The following ANKS1B variants were observed in gnomAD, a reference collection of about 807,000 sequenced individuals.
ANKS1B encodes the protein ankyrin repeat and sterile alpha motif domain-containing protein 1B.
Under a neutral mutation model 148.3 loss-of-function variants are expected in ANKS1B, and 36 were observed. The ratio of observed to expected loss-of-function variants is 0.24; its 90% CI spans 0.19 to 0.32. ANKS1B has a LOEUF of 0.32. Ranked by LOEUF, ANKS1B falls within the 10% of genes least tolerant of loss-of-function variation. The pLI, the probability that ANKS1B is intolerant of heterozygous loss-of-function variation, is 1.00. For missense variants in ANKS1B, 1,157 were observed against 1,542.6 expected, an observed-to-expected ratio of 0.75 and a Z score of 4.19; for synonymous variants, 542 against 560.8, an observed-to-expected ratio of 0.97 and a Z score of 0.47.
intron 17 of ANKS1B, among the ~76,000 whole-genome samples, chr12:98,928,831 C>T (rs1190786802): frequency 6.6e-6 from 1 of 151,902 alleles, no homozygotes; most frequent in Non-Finnish European, 1.5e-5. Context: ...ACCCATACGG[C>T]TAAAATAATA....
chr12:98,973,088 T>A (rs192191678), intron 17 of ANKS1B, among the ~76,000 whole-genome samples: 10 of 152,184 alleles, frequency 6.6e-5, no homozygotes, highest in Non-Finnish European at 1.5e-4. Context: ...CAAAAGTGAG[T>A]GGGAAATTAA....
At chr12:99,715,444 T>C (rs1331175038) in intron 8 of ANKS1B, among the ~76,000 whole-genome samples, 1 of 152,138 alleles carries the variant, frequency 6.6e-6, no homozygotes, top group Non-Finnish European at 1.5e-5. Flanking sequence ...AATTTTCCTT[T>C]ACCTACCCAA....
chr12:99,459,888 C>A (rs1343046203), intron 10 of ANKS1B, among the ~76,000 whole-genome samples: 4 of 152,054 alleles, frequency 2.6e-5, no homozygotes, highest in African/African-American at 9.7e-5. Flanking sequence ...TCATTCTTCA[C>A]AGAACTAGAA....
At chr12:99,413,423 C>G (rs538485659) in intron 11 of ANKS1B, among the ~76,000 whole-genome samples, 1 of 152,244 alleles carries the variant, frequency 6.6e-6, no homozygotes, top group Admixed American at 6.5e-5. Context: ...AAGCCAAGAG[C>G]CTAATAACTC....
intron 14 of ANKS1B, among the ~76,000 whole-genome samples, chr12:99,195,296 T>C (rs2081259082): frequency 6.6e-6 from 1 of 152,144 alleles, no homozygotes; most frequent in Admixed American, 6.5e-5. Context: ...ATAAACATGT[T>C]AAGTGCCTAG....
At chr12:99,340,348 T>C (rs1273727632) in intron 12 of ANKS1B, among the ~76,000 whole-genome samples, 5 of 152,130 alleles carry the variant, frequency 3.3e-5, no homozygotes, top group South Asian at 2.1e-4. Flanking sequence ...ACTCAAGTTC[T>C]CACTCTGCCA....
At chr12:99,725,323 A>G (rs1223298692) in intron 8 of ANKS1B, among the ~76,000 whole-genome samples, 1 of 152,208 alleles carries the variant, frequency 6.6e-6, no homozygotes, top group Non-Finnish European at 1.5e-5. Context: ...TTTACCAAGC[A>G]AATGAAAAGC....
intron 17 of ANKS1B, among the ~76,000 whole-genome samples, chr12:99,033,321 G>A (rs1033094481): frequency 2.6e-5 from 4 of 152,170 alleles, no homozygotes; most frequent in Admixed American, 2.6e-4. Flanking sequence ...TTTTAAGTGT[G>A]TAAGTAGTTG....
At chr12:99,465,568 C>T (rs948177114) in intron 10 of ANKS1B, among the ~76,000 whole-genome samples, 19 of 152,054 alleles carry the variant, frequency 1.2e-4, no homozygotes, top group African/African-American at 4.1e-4. Flanking sequence ...CAGAGACACA[C>T]ATAGGCTCAA....
intron 17 of ANKS1B, among the ~76,000 whole-genome samples, chr12:98,871,529 ATCT>A (rs2099669078): frequency 6.6e-6 from 1 of 152,226 alleles, no homozygotes; most frequent in Non-Finnish European, 1.5e-5. Context: ...TAGAACCAAC[ATCT>A]TCTGATGATT....
chr12:99,454,108 G>A (rs12578751), intron 10 of ANKS1B, among the ~76,000 whole-genome samples: 1 of 152,212 alleles, frequency 6.6e-6, no homozygotes, highest in African/African-American at 2.4e-5. Context: ...AAATAGTTCA[G>A]CTTGGCTGAA....
intron 12 of ANKS1B, among the ~76,000 whole-genome samples, chr12:99,339,339 T>G (rs2089511525): frequency 6.6e-6 from 1 of 152,198 alleles, no homozygotes; most frequent in Non-Finnish European, 1.5e-5. Flanking sequence ...CAGCAATCAC[T>G]GCATTCTTCC....
intron 9 of ANKS1B, among the ~76,000 whole-genome samples, chr12:99,592,143 T>C (rs376579471): frequency 3.9e-5 from 6 of 152,158 alleles, no homozygotes; most frequent in African/African-American, 1.4e-4. Flanking sequence ...ACTTTATTAC[T>C]AGAAACAAGA....
chr12:99,578,341 C>A (rs1345157752), intron 9 of ANKS1B, among the ~76,000 whole-genome samples: 1 of 151,922 alleles, frequency 6.6e-6, no homozygotes, highest in Non-Finnish European at 1.5e-5. Context: ...TATAACAGCA[C>A]TAAAGGTCCT....
chr12:98,750,957 C>G (rs3901730), intron 26 of ANKS1B, among the ~76,000 whole-genome samples: 1 of 152,236 alleles, frequency 6.6e-6, no homozygotes, highest in Admixed American at 6.5e-5. Context: ...CTGTGTACCT[C>G]TGCAAACCTC....
At chr12:99,373,641 T>C (rs2093254660) in intron 12 of ANKS1B, among the ~76,000 whole-genome samples, 1 of 152,182 alleles carries the variant, frequency 6.6e-6, no homozygotes, top group Non-Finnish European at 1.5e-5. Context: ...TCCCTAGATA[T>C]CCCTAGTTGC....
intron 1 of ANKS1B, among the ~76,000 whole-genome samples, chr12:99,927,371 T>G (rs1290447997): frequency 6.6e-6 from 1 of 152,198 alleles, no homozygotes; most frequent in Non-Finnish European, 1.5e-5. Flanking sequence ...TGAATTATAT[T>G]AAAAATAACC....
chr12:98,820,392 T>A (rs183751533), intron 19 of ANKS1B, among the ~76,000 whole-genome samples: 1 of 152,344 alleles, frequency 6.6e-6, no homozygotes, highest in Non-Finnish European at 1.5e-5. Context: ...GCTAGACCGA[T>A]GATACGCTAT....
At chr12:98,888,359 A>ACTC (rs2099744926) in intron 17 of ANKS1B, among the ~76,000 whole-genome samples, 1 of 152,104 alleles carries the variant, frequency 6.6e-6, no homozygotes, top group Non-Finnish European at 1.5e-5. Context: ...CCAAGTCACT[A>ACTC]TTATTTCTCA....
Sources: gnomAD v4.1 joint callset for allele counts (sites outside exome capture counted in the v4.1 genomes callset) on GRCh38, gnomAD v4.1.1 for gene constraint, MANE v1.5 for transcripts, NCBI Gene and HGNC (gene_info 2026-07-23, HGNC 2026-07-21) for gene names.